RRN3: variants seen among roughly 807,000 people sequenced by gnomAD.
RRN3 encodes the protein RNA polymerase I-specific transcription initiation factor RRN3.
A neutral mutation model predicts 82.3 loss-of-function variants in RRN3; 38 were observed. The observed-to-expected ratio is 0.46, with a 90% CI of 0.36 to 0.61. The LOEUF (loss-of-function observed/expected upper bound fraction) is 0.61. RRN3 is among the 20% of genes least tolerant of loss of function. The probability of loss-of-function intolerance (pLI) is 0.00; values close to 1 mark genes in which losing one functional copy is unlikely to be tolerated. For missense variants in RRN3, 726 were observed against 793.1 expected (o/e 0.92, Z 1.02); for synonymous variants, 284 against 284.3 (o/e 1.00, Z 0.01).
intron 8 of RRN3, among the ~76,000 whole-genome samples, chr16:15,081,601 A>C (rs1381112579): frequency 6.6e-6 from 1 of 152,170 alleles, no homozygotes; most frequent in African/African-American, 2.4e-5. Context: ...TAAAATTTAG[A>C]AATATTTCCT....
intron 13 of RRN3, 134 bp downstream of exon 13, chr16:15,070,987 T>C (rs2045200319): frequency 5.9e-6 from 4 of 680,210 alleles, no homozygotes; most frequent in Admixed American, 5.7e-5. Flanking sequence ...AATATAAACA[T>C]CTTGCACAGA....
intron 8 of RRN3, among the ~76,000 whole-genome samples, chr16:15,082,296 T>G (rs2045740711): frequency 6.6e-6 from 1 of 152,256 alleles, no homozygotes. Context: ...TGTCACACAC[T>G]TCTGCATCTA....
At chr16:15,077,066 G>A (rs1382306449) in intron 9 of RRN3, among the ~76,000 whole-genome samples, 2 of 149,214 alleles carry the variant, frequency 1.3e-5, no homozygotes, top group Admixed American at 6.8e-5. Flanking sequence ...CGCAAACTCC[G>A]CCCCCCAGGT....
intron 11 of RRN3, among the ~76,000 whole-genome samples, chr16:15,074,235 A>G (rs948156227): frequency 2.0e-5 from 3 of 152,212 alleles, no homozygotes; most frequent in Non-Finnish European, 2.9e-5. Context: ...TGACTCACTG[A>G]GCTCATCTTA....
intron 12 of RRN3, among the ~76,000 whole-genome samples, chr16:15,072,045 T>A (rs1464544826): frequency 6.6e-6 from 1 of 151,978 alleles, no homozygotes; most frequent in Non-Finnish European, 1.5e-5. Context: ...ATTATGCCAA[T>A]CATGGAAAAA....
intron 16 of RRN3, among the ~76,000 whole-genome samples, chr16:15,064,873 A>C (rs2044891418): frequency 6.6e-6 from 1 of 152,222 alleles, no homozygotes; most frequent in African/African-American, 2.4e-5. Context: ...ATCACGTTTA[A>C]ATCCACCTCC....
chr16:15,071,312 A>C, intron 12 of RRN3, 61 bp from the exon 13 acceptor site: 2 of 1,488,860 alleles, frequency 1.3e-6, no homozygotes, highest in South Asian at 2.6e-5. Context: ...CTGGCTATCA[A>C]AATCCCAAGA....
chr16:15,076,380 C>G, intron 10 of RRN3, 178 bp downstream of exon 10: 1 of 618,694 alleles, frequency 1.6e-6, no homozygotes, highest in Non-Finnish European at 2.9e-6. Flanking sequence ...TGGAAATAGA[C>G]CAACTATGCT....
At chr16:15,063,724 A>AG (rs1461558736) in intron 16 of RRN3, among the ~76,000 whole-genome samples, 3 of 146,120 alleles carry the variant, frequency 2.1e-5, no homozygotes, top group African/African-American at 7.4e-5. Flanking sequence ...AAAAAAAAAG[A>AG]AAAAAACAAA....
chr16:15,077,259 A>G (rs958922955), intron 9 of RRN3, among the ~76,000 whole-genome samples: 4 of 152,026 alleles, frequency 2.6e-5, no homozygotes, highest in Non-Finnish European at 4.4e-5. Flanking sequence ...AATTACAGGC[A>G]TGAGCCACCG....
chr16:15,072,381 T>C (rs1395097980), intron 12 of RRN3, among the ~76,000 whole-genome samples: 2 of 152,044 alleles, frequency 1.3e-5, no homozygotes, highest in African/African-American at 2.4e-5. Context: ...AATTACCCCA[T>C]ATGAGATTTT....
intron 7 of RRN3, chr16:15,083,897 G>A (rs1213117460): frequency 4.9e-5 from 14 of 287,594 alleles, no homozygotes; most frequent in Non-Finnish European, 8.0e-5. Flanking sequence ...TGTATTTTTA[G>A]TAGAGACGGG....
chr16:15,092,101 C>T (rs991627073), intron 2 of RRN3, among the ~76,000 whole-genome samples: 1 of 152,166 alleles, frequency 6.6e-6, no homozygotes, highest in African/African-American at 2.4e-5. Flanking sequence ...ATTGCTTGAA[C>T]CTGGGAGGTG....
intron 8 of RRN3, among the ~76,000 whole-genome samples, chr16:15,081,760 T>C (rs1237936511): frequency 1.3e-5 from 2 of 152,270 alleles, no homozygotes; most frequent in African/African-American, 4.8e-5. Flanking sequence ...ACCAACATCA[T>C]GAAAATGTAC....
At chr16:15,061,970 C>A in intron 17 of RRN3, 65 bp from the exon 18 acceptor site, 1 of 1,475,160 alleles carries the variant, frequency 6.8e-7, no homozygotes, top group Non-Finnish European at 9.4e-7. Flanking sequence ...TCAACAATTC[C>A]TTCCTCAGGA....
At position 15,070,188 on chromosome 16, in the gene RRN3, C is replaced by T. The variant is rs559758942; in HGVS notation, c.1326G>A (p.Ser442=). The T allele has an allele frequency of 9.8e-5, 158 of 1,608,672 alleles. No homozygotes were observed. The highest frequency in any genetic ancestry group is 4.2e-4 in the African/African-American group (31 of 74,272). The part of the protein sequence containing the change: ...WLHIYLNNQD[S]GTKAFCDVAL... The stretch of plus-strand genomic sequence containing the variant: ...CAACATCGCAGAATGCCTTTGTTCC[C>T]GAATCCTGGTTATTAAGGTATATGT... The change falls in exon 14 of 18, where the codon TCG becomes TCA. Residue 442 remains serine, a synonymous_variant. Coordinates refer to ENST00000198767, the MANE Select transcript of RRN3 (RefSeq NM_018427.5).
At chr16:15,077,149 T>C (rs888755786) in intron 9 of RRN3, among the ~76,000 whole-genome samples, 2 of 151,700 alleles carry the variant, frequency 1.3e-5, no homozygotes, top group Non-Finnish European at 1.5e-5. Flanking sequence ...CCAGCTAATT[T>C]TGTATTTTTA....
intron 14 of RRN3, among the ~76,000 whole-genome samples, chr16:15,068,853 A>C (rs935470587): frequency 6.6e-6 from 1 of 152,204 alleles, no homozygotes; most frequent in African/African-American, 2.4e-5. Context: ...TAAAGACATC[A>C]CATTTATTTT....
rs1451423253 is a variant in RRN3 at position 15,061,790 on chromosome 16, C to T, written c.1910G>A (p.Ser637Asn). 1 of 1,614,104 alleles carries T rather than the reference C, an allele frequency of 6.2e-7. No homozygotes were observed. The highest frequency in any genetic ancestry group is 8.5e-7 in the Non-Finnish European group (1 of 1,179,906). Residue 637 changes from serine to asparagine, a missense_variant, in exon 18 of 18, where the codon AGT (serine) becomes AAT (asparagine). Transcript: ENST00000198767. Reference protein sequence around the residue: ...FDTHFRSPSSSVGSPPVLYMQ... With the variant: ...FDTHFRSPSSNVGSPPVLYMQ... ...GTACAACACGGGTGGGGAGCCCACA[C>T]TACTTGAAGGACTTCGGAAATGCGT... is the stretch of plus-strand genomic sequence containing the variant.
Sources: gnomAD v4.1 joint callset for allele counts (sites outside exome capture counted in the v4.1 genomes callset) on GRCh38, gnomAD v4.1.1 for gene constraint, MANE v1.5 for transcripts, NCBI Gene and HGNC (gene_info 2026-07-23, HGNC 2026-07-21) for gene names.